The following SSBP3 variants were observed in gnomAD, a reference collection of about 807,000 sequenced individuals.
SSBP3 encodes the protein single-stranded DNA-binding protein 3.
SSBP3 carries 5 observed loss-of-function variants against 69.6 expected under a neutral mutation model. The ratio of observed to expected loss-of-function variants is 0.07; its 90% CI spans 0.04 to 0.15. The LOEUF is 0.15. Among genes scored for constraint, SSBP3 ranks in the 10% least tolerant of loss-of-function variants. The pLI is 1.00. For missense variants in SSBP3, 312 were observed against 534.0 expected, an observed-to-expected ratio of 0.58 and a Z score of 4.10; for synonymous variants, 196 against 193.4, an observed-to-expected ratio of 1.01 and a Z score of -0.11.
At chr1:54,398,776 A>G (rs1337992692) in intron 4 of SSBP3, among the ~76,000 whole-genome samples, 1 of 151,960 alleles carries the variant, frequency 6.6e-6, no homozygotes, top group South Asian at 2.1e-4. Flanking sequence ...ATGCAAACCA[A>G]TTTATCAGAA....
intron 5 of SSBP3, among the ~76,000 whole-genome samples, chr1:54,272,636 CT>C (rs1233233103): frequency 2.6e-5 from 4 of 152,270 alleles, no homozygotes; most frequent in African/African-American, 9.6e-5. Context: ...TCCCATCCCC[CT>C]ATGAAGGACA....
Position 54,337,485 on chromosome 1 carries a change from C to CTTTTTTTTTTTTTTTTTTTTTTT in SSBP3, c.277-55981_277-55959dup, listed in dbSNP as rs869039822. 3.1e-4 allele frequency among the ~76,000 whole-genome samples: 16 copies of CTTTTTTTTTTTTTTTTTTTTTTT among 51,166 alleles called. 5 individuals carry two copies. The highest frequency in any genetic ancestry group is 1.9e-3 in the East Asian group (2 of 1,070). The allele number at this position is 51,166 out of a possible 152,430, so 33.6% of individuals were successfully genotyped here. Reference sequence around the variant, plus strand: ...ACCAAAGCATTTTGTTTTCCTCAAGCTTTTTTTTTTTTTTTTTTTTTTTTT... The same window carrying CTTTTTTTTTTTTTTTTTTTTTTT: ...ACCAAAGCATTTTGTTTTCCTCAAGCTTTTTTTTTTTTTTTTTTTTTTTTTTTTTTTTTTTTTTTTTTTTTTTT... On this transcript the variant is annotated intron_variant, in intron 4 of 17. Coordinates refer to ENST00000610401, the Ensembl canonical transcript of SSBP3.
chr1:54,328,717 A>G (rs1646353725), intron 4 of SSBP3, among the ~76,000 whole-genome samples: 1 of 152,196 alleles, frequency 6.6e-6, no homozygotes, highest in Non-Finnish European at 1.5e-5. Flanking sequence ...CCATCACACA[A>G]TGACAACCCC....
chr1:54,313,635 A>AGT lies in SSBP3; in HGVS notation c.277-32110_277-32109dup, dbSNP rs1386571848. On this transcript the variant is annotated intron_variant, in intron 4 of 17. Coordinates refer to ENST00000610401, the Ensembl canonical transcript of SSBP3. ...CTTGCACAAAAGCACGGGGGCCTGG[A>AGT]GTGTTCCTGCCCTGCAGCCGTAGGC... 2.6e-5 allele frequency among the ~76,000 whole-genome samples: 4 copies of AGT among 151,968 alleles called. No individual in the cohort carries two copies. In the South Asian group the frequency reaches 8.3e-4, roughly 32 times the overall value.
chr1:54,332,897 G>C (rs1343258704), intron 4 of SSBP3, among the ~76,000 whole-genome samples: 2 of 152,210 alleles, frequency 1.3e-5, no homozygotes, highest in Non-Finnish European at 2.9e-5. Flanking sequence ...CGGGTCAGGA[G>C]GGGAGTAAGC....
At chr1:54,284,443 CT>C (rs35206075) in intron 4 of SSBP3, among the ~76,000 whole-genome samples, 23,281 of 151,040 alleles carry the variant, frequency 0.15, 2,048 homozygotes, top group South Asian at 0.29. Flanking sequence ...AGGATCTAGA[CT>C]AAGGGTAAGT....
Position 54,330,846 on chromosome 1 carries a change from C to T in SSBP3, c.277-49319G>A, listed in dbSNP as rs114688134. On this transcript the variant is annotated intron_variant, in intron 4 of 17. Coordinates refer to ENST00000610401, the Ensembl canonical transcript of SSBP3. ...CGCCAACGCAGGCCACCCTGAAGTC[C>T]GTGCTACCTCCTGAGCACACCACCG... Among the ~76,000 whole-genome samples, 491 of 152,316 alleles carry T rather than the reference C, an allele frequency of 3.2e-3. 5 individuals carry two copies. Among genetic ancestry groups the T allele is most frequent in the African/African-American group, 0.011 (449 of 41,576 alleles).
intron 4 of SSBP3, among the ~76,000 whole-genome samples, chr1:54,355,103 C>A (rs557201535): frequency 6.6e-6 from 1 of 152,322 alleles, no homozygotes; most frequent in Admixed American, 6.5e-5. Context: ...GGCTCTCAGG[C>A]CAGGACAACG....
At chr1:54,406,837 C>T (rs998680089), upstream of SSBP3, among the ~76,000 whole-genome samples, 7 of 151,544 alleles carry the variant, frequency 4.6e-5, no homozygotes, top group African/African-American at 7.3e-5. Flanking sequence ...CCTTATCTGC[C>T]CCTCAGCTCC....
intron 4 of SSBP3, among the ~76,000 whole-genome samples, chr1:54,351,891 C>T (rs998052594): frequency 4.6e-5 from 7 of 152,168 alleles, no homozygotes; most frequent in African/African-American, 1.7e-4. Flanking sequence ...ACCCACCCAT[C>T]CAAACATCTG....
At chr1:54,354,185 G>C (rs1485489918) in intron 4 of SSBP3, among the ~76,000 whole-genome samples, 1 of 152,196 alleles carries the variant, frequency 6.6e-6, no homozygotes, top group Admixed American at 6.5e-5. Flanking sequence ...GCCTTACAAG[G>C]CTGCCTGTCT....
chr1:54,247,237 C>G (rs1023671889), intron 9 of SSBP3, among the ~76,000 whole-genome samples: 1 of 152,238 alleles, frequency 6.6e-6, no homozygotes, highest in African/African-American at 2.4e-5. Context: ...ATCTGCTGGC[C>G]CCCAGAGTCT....
chr1:54,248,780 C>A (rs188118589), intron 9 of SSBP3, among the ~76,000 whole-genome samples: 9 of 152,298 alleles, frequency 5.9e-5, no homozygotes, highest in African/African-American at 1.9e-4. Context: ...TGGGTTTCTT[C>A]AAGGGACGTT....
intron 4 of SSBP3, among the ~76,000 whole-genome samples, chr1:54,340,345 TGTG>T (rs1286739052): frequency 1.3e-5 from 2 of 152,200 alleles, no homozygotes; most frequent in Non-Finnish European, 2.9e-5. Context: ...AACCCACCAA[TGTG>T]GTGTTTGCTG....
At chr1:54,381,464 TTG>T (rs767741931) in intron 4 of SSBP3, among the ~76,000 whole-genome samples, 1 of 151,994 alleles carries the variant, frequency 6.6e-6, no homozygotes, top group Admixed American at 6.6e-5. Context: ...CCTTGTAGAT[TTG>T]TGTTTCCAAT....
intron 4 of SSBP3, among the ~76,000 whole-genome samples, chr1:54,293,347 T>C (rs1645642984): frequency 1.3e-5 from 2 of 152,058 alleles, no homozygotes; most frequent in Admixed American, 6.5e-5. Context: ...TGAAGGGACA[T>C]GGGAGTTCAT....
chr1:54,318,065 GCCTCTCCAT>G (rs976775707), intron 4 of SSBP3, among the ~76,000 whole-genome samples: 1 of 152,186 alleles, frequency 6.6e-6, no homozygotes, highest in African/African-American at 2.4e-5. Context: ...ACTGCGCCCG[GCCTCTCCAT>G]CCTCTTTCTA....
intron 4 of SSBP3, among the ~76,000 whole-genome samples, chr1:54,392,876 C>A (rs190421841): frequency 6.6e-6 from 1 of 152,276 alleles, no homozygotes; most frequent in Admixed American, 6.5e-5. Context: ...TGGTAACAAA[C>A]GACTAGGAGA....
intron 4 of SSBP3, among the ~76,000 whole-genome samples, chr1:54,356,990 C>T (rs1364742557): frequency 1.3e-5 from 2 of 151,952 alleles, no homozygotes; most frequent in Non-Finnish European, 2.9e-5. Context: ...GGGTAGAGCC[C>T]CTCACCTCAC....
Sources: allele counts gnomAD v4.1 joint callset (sites outside exome capture counted in the v4.1 genomes callset), GRCh38; gene constraint gnomAD v4.1.1; transcripts MANE v1.5; gene names NCBI Gene and HGNC (gene_info 2026-07-23, HGNC 2026-07-21).